Variants in ZBTB16 observed in about 807,000 individuals in gnomAD.
The protein encoded by ZBTB16 is zinc finger and BTB domain-containing protein 16.
A neutral mutation model predicts 56.8 loss-of-function variants in ZBTB16; 8 were observed. That is an observed-to-expected ratio of 0.14 (90% CI 0.08 to 0.25). The LOEUF (loss-of-function observed/expected upper bound fraction) is 0.25. ZBTB16 is among the 10% of genes least tolerant of loss of function. The probability of loss-of-function intolerance (pLI) is 1.00; values close to 1 mark genes in which losing one functional copy is unlikely to be tolerated. For synonymous variants in ZBTB16, 363 were observed against 368.5 expected, an observed-to-expected ratio of 0.98 and a Z score of 0.17; for missense variants, 625 against 903.0, an observed-to-expected ratio of 0.69 and a Z score of 3.95.
At chr11:114,187,122 T>G (rs1244444812) in intron 4 of ZBTB16, 84 bp downstream of exon 4, 1 of 1,335,630 alleles carries the variant, frequency 7.5e-7, no homozygotes, top group Non-Finnish European at 1.1e-6. Context: ...GGCAACCTCT[T>G]TTTAGCAAAT....
chr11:114,144,760 G>C (rs1942054689), intron 2 of ZBTB16, among the ~76,000 whole-genome samples: 1 of 152,242 alleles, frequency 6.6e-6, no homozygotes, highest in Admixed American at 6.5e-5. Context: ...TTCTACCAGA[G>C]ACAGCAAGGG....
intron 4 of ZBTB16, among the ~76,000 whole-genome samples, chr11:114,192,832 G>C (rs1373233055): frequency 6.6e-6 from 1 of 152,244 alleles, no homozygotes; most frequent in Non-Finnish European, 1.5e-5. Context: ...TAATCTGGGG[G>C]AATGAGCTGT....
chr11:114,099,400 G>A (rs1446621595), intron 2 of ZBTB16, among the ~76,000 whole-genome samples: 1 of 151,662 alleles, frequency 6.6e-6, no homozygotes, highest in African/African-American at 2.4e-5. Context: ...AAAAAGGAGT[G>A]TAGTTTATAA....
intron 4 of ZBTB16, among the ~76,000 whole-genome samples, chr11:114,224,408 C>CT (rs930642901): frequency 6.6e-6 from 1 of 152,030 alleles, no homozygotes; most frequent in Non-Finnish European, 1.5e-5. Context: ...GAAAAAAGAG[C>CT]TTTTTTTATT....
chr11:114,062,049 G>A (rs1938893235), intron 1 of ZBTB16, among the ~76,000 whole-genome samples: 1 of 152,012 alleles, frequency 6.6e-6, no homozygotes, highest in African/African-American at 2.4e-5. Context: ...GCAGTTGTGG[G>A]CAGGAGGGTA....
chr11:114,177,612 G>A (rs886496175), intron 3 of ZBTB16, among the ~76,000 whole-genome samples: 12 of 152,136 alleles, frequency 7.9e-5, no homozygotes, highest in African/African-American at 2.9e-4. Context: ...AGTTGGCAAA[G>A]CATGTCTGGA....
Position 114,157,351 on chromosome 11 carries a change from C to T in ZBTB16, c.1366+917C>T, listed in dbSNP as rs114460600. On this transcript the variant is annotated intron_variant, in intron 3 of 6. Transcript: ENST00000335953. ...CCTTAGCTACATTCATCTTGTGAAC[C>T]TCAGTTTCTGCATCTGTCAAGTGCT... is the stretch of plus-strand genomic sequence containing the variant. 9.1e-3 allele frequency among the ~76,000 whole-genome samples: 1,385 copies of T among 152,306 alleles called. 25 individuals carry two copies. Among genetic ancestry groups the T allele is most frequent in the African/African-American group, 0.03 (1,249 of 41,568 alleles).
At chr11:114,148,335 G>GGCTGGTTT (rs200421296) in intron 2 of ZBTB16, among the ~76,000 whole-genome samples, 1 of 91,376 alleles carries the variant, frequency 1.1e-5, no homozygotes, top group African/African-American at 5.1e-5. Context: ...ATGGCTGGCT[G>GGCTGGTTT]GCTTCCTTCC....
intron 3 of ZBTB16, 90 bp downstream of exon 3, chr11:114,156,524 A>C: frequency 8.1e-7 from 1 of 1,233,852 alleles, no homozygotes. Flanking sequence ...TGTGGCCTGC[A>C]TGTCCCCACT....
Position 114,121,939 on chromosome 11 carries a change from C to G in ZBTB16, c.1269-34398C>G, listed in dbSNP as rs1436347839. 2.3e-5 allele frequency: 10 copies of G among 434,236 alleles called. No individual in the cohort carries two copies. The Admixed American group carries it at 2.5e-4, about 11-fold the overall frequency. The allele number at this position is 434,236 out of a possible 1,614,324, so 26.9% of individuals were successfully genotyped here. ...GGTAAGTTTGGCTGCAAGGTACTGG[C>G]TGTCCTCTAAGACACTTCCTGAGTC... On this transcript the variant is annotated intron_variant, in intron 2 of 6. Coordinates refer to ENST00000335953, the MANE Select transcript of ZBTB16 (RefSeq NM_006006.6).
chr11:114,230,493 G>C (rs539129775), intron 4 of ZBTB16, among the ~76,000 whole-genome samples: 1 of 152,100 alleles, frequency 6.6e-6, no homozygotes, highest in Non-Finnish European at 1.5e-5. Flanking sequence ...GTACGGGAAG[G>C]CCGCATGGTG....
At position 114,080,445 on chromosome 11, in the gene ZBTB16, C is replaced by CCTCT. The variant is rs150621909; in HGVS notation, c.1268+15896_1268+15899dup. On this transcript the variant is annotated intron_variant, in intron 2 of 6. Transcript: ENST00000335953. ...CACATGCTCGCTCTCGCTGGTGCTC[C>CCTCT]CTCTCTCTCTCTCTCTCTCTCTGCA... is the stretch of plus-strand genomic sequence containing the variant. 3.3e-5 allele frequency among the ~76,000 whole-genome samples: 5 copies of CCTCT among 149,850 alleles called. No individual in the cohort carries two copies. In the South Asian group the frequency reaches 6.4e-4, roughly 19 times the overall value.
intron 2 of ZBTB16, among the ~76,000 whole-genome samples, chr11:114,121,020 A>G (rs189147020): frequency 6.6e-6 from 1 of 152,320 alleles, no homozygotes; most frequent in Admixed American, 6.5e-5. Flanking sequence ...TGGAGAGCCA[A>G]TCAGGGATGC....
intron 2 of ZBTB16, among the ~76,000 whole-genome samples, chr11:114,087,062 C>G: frequency 6.6e-6 from 1 of 152,184 alleles, no homozygotes; most frequent in East Asian, 1.9e-4. Flanking sequence ...TGAATCCTGA[C>G]ATTGCCACTT....
At chr11:114,205,866 T>C (rs529980197) in intron 4 of ZBTB16, among the ~76,000 whole-genome samples, 1 of 152,358 alleles carries the variant, frequency 6.6e-6, no homozygotes, top group South Asian at 2.1e-4. Context: ...CTGACTGCTC[T>C]CCTCTGGGGA....
In ZBTB16 at chr11:114,126,556, GTAT is replaced by G. The variant is rs1433604111; in HGVS notation, c.1269-29779_1269-29777del. Among the ~76,000 whole-genome samples, 7 of 152,178 alleles carry G rather than the reference GTAT, an allele frequency of 4.6e-5. No homozygotes were observed. In the South Asian group the frequency reaches 6.2e-4, roughly 14 times the overall value. ...TTCACATCCATTTTAAGGAAGCTGA[GTAT>G]TGTTGTTGAGAGTGGCCCTGGCATT... On this transcript the variant is annotated intron_variant, in intron 2 of 6. Coordinates refer to ENST00000335953, the MANE Select transcript of ZBTB16 (RefSeq NM_006006.6).
chr11:114,235,730 C>CTT (rs1254185110), intron 4 of ZBTB16, among the ~76,000 whole-genome samples: 12 of 128,794 alleles, frequency 9.3e-5, no homozygotes, highest in African/African-American at 2.7e-4. Flanking sequence ...TTCTTTCTTT[C>CTT]TTTCTTTTCT....
chr11:114,178,885 C>T (rs1789070782), intron 3 of ZBTB16, among the ~76,000 whole-genome samples: 2 of 152,200 alleles, frequency 1.3e-5, no homozygotes, highest in Admixed American at 1.3e-4. Context: ...TTTGCCAGGT[C>T]ACTGGTGGGA....
chr11:114,063,344 G>A lies in ZBTB16; in HGVS notation c.44G>A (p.Ser15Asn), dbSNP rs368808235. The A allele has an allele frequency of 1.2e-6, 2 of 1,614,094 alleles. No individual in the cohort carries two copies. ...GGCATGATCCAGCTGCAGAACCCTA[G>A]CCACCCCACGGGGCTACTGTGCAAG... ...KMGMIQLQNPSHPTGLLCKAN... is the reference protein window; with the variant it reads ...KMGMIQLQNPNHPTGLLCKAN... Residue 15 changes from serine to asparagine, a missense_variant, in exon 2 of 7, where the codon AGC (serine) becomes AAC (asparagine). Physicochemically the swap from Ser to Asn is conservative, Grantham distance 46. This residue lies in a region of ZBTB16 where 54 missense variants were observed against 159.4 expected (regional missense o/e 0.34). Coordinates refer to ENST00000335953, the MANE Select transcript of ZBTB16 (RefSeq NM_006006.6). This position sits in a 1 kb window ranked among gnomAD's most constrained non-coding sequence, Gnocchi z 6.5.
Sources: allele counts gnomAD v4.1 joint callset (sites outside exome capture counted in the v4.1 genomes callset), GRCh38; gene constraint gnomAD v4.1.1; regional missense constraint gnomAD v4.1.1; non-coding constraint Gnocchi (gnomAD v3.1); transcripts MANE v1.5; gene names NCBI Gene and HGNC (gene_info 2026-07-23, HGNC 2026-07-21).